The following MYO3B variants were observed in gnomAD, a reference collection of about 807,000 sequenced individuals.
MYO3B encodes myosin IIIB.
MYO3B carries 156 observed loss-of-function variants against 174.6 expected under a neutral mutation model. The observed-to-expected ratio is 0.89, with a 90% CI of 0.78 to 1.02. The LOEUF is 1.02. Ranked by LOEUF, MYO3B falls within the 50% of genes least tolerant of loss-of-function variation. The probability of loss-of-function intolerance (pLI) is 0.00; values close to 1 mark genes in which losing one functional copy is unlikely to be tolerated. For missense variants in MYO3B, 1,632 were observed against 1,639.4 expected (o/e 1.00, Z 0.08); for synonymous variants, 563 against 569.1 (o/e 0.99, Z 0.15).
intron 7 of MYO3B, among the ~76,000 whole-genome samples, chr2:170,306,642 C>T (rs534832012): frequency 6.6e-6 from 1 of 151,530 alleles, no homozygotes; most frequent in South Asian, 2.1e-4. Flanking sequence ...TTGTCTGGAG[C>T]ACTGAGCCTG....
intron 16 of MYO3B, 24 bp downstream of exon 16, chr2:170,392,519 C>G: frequency 7.2e-7 from 1 of 1,397,200 alleles, no homozygotes; most frequent in Non-Finnish European, 9.8e-7. Context: ...AAGAGAGGAA[C>G]TCAAGTGACA....
chr2:170,649,393 AT>A (rs1698820521), intron 32 of MYO3B, among the ~76,000 whole-genome samples: 1 of 121,736 alleles, frequency 8.2e-6, no homozygotes, highest in Non-Finnish European at 1.6e-5. Flanking sequence ...TTATATAAAA[AT>A]ATAAAATATA....
At chr2:170,452,688 T>C (rs924211387) in intron 23 of MYO3B, among the ~76,000 whole-genome samples, 7 of 152,226 alleles carry the variant, frequency 4.6e-5, no homozygotes, top group Non-Finnish European at 8.8e-5. Context: ...GGTTATAACT[T>C]AACCATGGAT....
chr2:170,572,847 G>T (rs886136595), intron 32 of MYO3B, among the ~76,000 whole-genome samples: 3 of 152,034 alleles, frequency 2.0e-5, no homozygotes, highest in South Asian at 2.1e-4. Flanking sequence ...TCTCCACCTG[G>T]TTTCTCACTT....
At chr2:170,214,518 A>T in intron 4 of MYO3B, 35 bp downstream of exon 4, 1 of 1,591,790 alleles carries the variant, frequency 6.3e-7, no homozygotes, top group Non-Finnish European at 8.6e-7. Flanking sequence ...ATGACAGCAG[A>T]TGGGATGGTT....
At chr2:170,539,791 T>G (rs899667805) in intron 30 of MYO3B, among the ~76,000 whole-genome samples, 1 of 151,804 alleles carries the variant, frequency 6.6e-6, no homozygotes, top group African/African-American at 2.4e-5. Flanking sequence ...CGGCTAGTTT[T>G]TTGTATTTTT....
At chr2:170,614,070 C>G (rs538914586) in intron 32 of MYO3B, among the ~76,000 whole-genome samples, 20 of 152,316 alleles carry the variant, frequency 1.3e-4, no homozygotes, top group African/African-American at 4.8e-4. Flanking sequence ...TCATCCCTCT[C>G]TTCAATCCTC....
intron 8 of MYO3B, among the ~76,000 whole-genome samples, chr2:170,364,220 A>G (rs1342133536): frequency 6.6e-6 from 1 of 152,176 alleles, no homozygotes; most frequent in African/African-American, 2.4e-5. Flanking sequence ...GTGGGGCCCA[A>G]ACAAACAAAC....
intron 7 of MYO3B, among the ~76,000 whole-genome samples, chr2:170,250,915 C>T (rs957800060): frequency 5.9e-5 from 9 of 151,742 alleles, no homozygotes; most frequent in South Asian, 2.1e-4. Flanking sequence ...TTCTGCCATT[C>T]GTCTGCTTGT....
At chr2:170,548,306 A>G (rs533260475) in intron 32 of MYO3B, among the ~76,000 whole-genome samples, 1 of 152,214 alleles carries the variant, frequency 6.6e-6, no homozygotes, top group African/African-American at 2.4e-5. Context: ...AGCAAAAAGT[A>G]GAGTCATAGG....
intron 22 of MYO3B, among the ~76,000 whole-genome samples, chr2:170,421,916 T>A (rs767500248): frequency 1.6e-4 from 24 of 152,310 alleles, no homozygotes; most frequent in Non-Finnish European, 3.2e-4. Context: ...ATAGGTGGCT[T>A]AAGTGTTTCT....
At chr2:170,458,634 C>A (rs1684049889) in intron 23 of MYO3B, among the ~76,000 whole-genome samples, 1 of 152,184 alleles carries the variant, frequency 6.6e-6, no homozygotes, top group Non-Finnish European at 1.5e-5. Context: ...GGAAGACAAA[C>A]TCTTAGGCTA....
intron 8 of MYO3B, among the ~76,000 whole-genome samples, chr2:170,353,601 T>C (rs1352217030): frequency 6.6e-6 from 1 of 152,138 alleles, no homozygotes; most frequent in Non-Finnish European, 1.5e-5. Context: ...GTTCCTCAAT[T>C]GTAACAAATG....
intron 32 of MYO3B, among the ~76,000 whole-genome samples, chr2:170,557,209 G>C (rs891743921): frequency 6.7e-6 from 1 of 148,626 alleles, no homozygotes; most frequent in Non-Finnish European, 1.5e-5. Context: ...GCACGATCTC[G>C]GCTCACTGCA....
intron 6 of MYO3B, among the ~76,000 whole-genome samples, chr2:170,220,629 A>C (rs1347741691): frequency 9.1e-5 from 3 of 33,114 alleles, no homozygotes; most frequent in South Asian, 9.6e-4. Context: ...ATTCCGTCTC[A>C]AAAAAAAAAA....
At chr2:170,479,390 TTA>T (rs991366436) in intron 25 of MYO3B, among the ~76,000 whole-genome samples, 5 of 146,574 alleles carry the variant, frequency 3.4e-5, no homozygotes, top group South Asian at 2.1e-4. Flanking sequence ...TAGAATATAA[TTA>T]TATTATATAT....
intron 32 of MYO3B, among the ~76,000 whole-genome samples, chr2:170,628,862 A>G (rs1696694736): frequency 6.6e-6 from 1 of 152,188 alleles, no homozygotes; most frequent in Non-Finnish European, 1.5e-5. Flanking sequence ...TTTTTTTAAA[A>G]GAATCTTCCC....
At chr2:170,220,065 T>C (rs1044678458) in intron 6 of MYO3B, among the ~76,000 whole-genome samples, 7 of 152,060 alleles carry the variant, frequency 4.6e-5, no homozygotes, top group African/African-American at 1.7e-4. Flanking sequence ...GAGACCATCC[T>C]GGCTAACACA....
At chr2:170,230,365 T>TTTTTTGGA (rs1559318980) in intron 6 of MYO3B, among the ~76,000 whole-genome samples, 15 of 140,854 alleles carry the variant, frequency 1.1e-4, no homozygotes, top group African/African-American at 4.3e-4. Flanking sequence ...TTTTTTTTAG[T>TTTTTTGGA]AGAGACGGGG....
Sources: allele counts gnomAD v4.1 joint callset (sites outside exome capture counted in the v4.1 genomes callset), GRCh38; gene constraint gnomAD v4.1.1; transcripts MANE v1.5; gene names NCBI Gene and HGNC (gene_info 2026-07-23, HGNC 2026-07-21).